Variants in SESTD1 observed in about 807,000 individuals in gnomAD.
SESTD1 encodes the protein SEC14 and spectrin domain containing 1.
A neutral mutation model predicts 101.7 loss-of-function variants in SESTD1; 43 were observed. That is an observed-to-expected ratio of 0.42 (90% CI 0.33 to 0.55). SESTD1 has a LOEUF of 0.55. Ranked by LOEUF, SESTD1 falls within the 20% of genes least tolerant of loss-of-function variation. SESTD1 has a pLI of 0.07. For missense variants in SESTD1, 647 were observed against 815.1 expected (o/e 0.79, Z 2.51); for synonymous variants, 283 against 286.8 (o/e 0.99, Z 0.13).
Position 179,106,795 on chromosome 2 carries a change from CAAT to C in SESTD1, c.*3101_*3103del, listed in dbSNP as rs1195696589. ...CACCAGAACTGAACAAAGTGACCAA[CAAT>C]GAGGACTGGGAACAAAGCCAATTTG... On this transcript the variant is annotated 3_prime_UTR_variant, in exon 18 of 18. Transcript: ENST00000428443. 2 of 152,064 alleles carry C rather than the reference CAAT, an allele frequency of 1.3e-5. No individual in the cohort carries two copies. The highest frequency in any genetic ancestry group is 4.8e-5 in the African/African-American group (2 of 41,416). The allele number at this position is 152,064 out of a possible 1,614,324, so 9.4% of individuals were successfully genotyped here.
chr2:179,142,189 T>C (rs958567891), intron 9 of SESTD1, among the ~76,000 whole-genome samples: 8 of 152,188 alleles, frequency 5.3e-5, no homozygotes, highest in Non-Finnish European at 1.2e-4. Flanking sequence ...TGTACTATAA[T>C]GGAAGAGTTA....
At chr2:179,223,811 ACTAT>A (rs1361206019) in intron 1 of SESTD1, among the ~76,000 whole-genome samples, 2 of 152,306 alleles carry the variant, frequency 1.3e-5, no homozygotes, top group South Asian at 2.1e-4. Flanking sequence ...GATTGTCCAA[ACTAT>A]CTATTACTCT....
At chr2:179,119,189 T>C (rs1019744746) in intron 13 of SESTD1, among the ~76,000 whole-genome samples, 4 of 152,202 alleles carry the variant, frequency 2.6e-5, no homozygotes, top group African/African-American at 7.2e-5. Context: ...ATTACACTTA[T>C]ATACAAAAAG....
chr2:179,221,296 T>C (rs1243456059), intron 1 of SESTD1, among the ~76,000 whole-genome samples: 2 of 150,300 alleles, frequency 1.3e-5, no homozygotes, highest in South Asian at 2.1e-4. Flanking sequence ...GTTGCTTTCA[T>C]CAGAGTGAAA....
At chr2:179,181,166 C>T (rs2046101083) in intron 3 of SESTD1, among the ~76,000 whole-genome samples, 2 of 152,202 alleles carry the variant, frequency 1.3e-5, no homozygotes, top group Middle Eastern at 6.8e-3. Context: ...ATAGTATAGG[C>T]TATTTTGCCT....
chr2:179,124,677 T>C lies in SESTD1; in HGVS notation c.973-119A>G, dbSNP rs997305726. The C allele has an allele frequency of 2.2e-5, 18 of 804,004 alleles. No individual in the cohort carries two copies. In the African/African-American group the frequency reaches 3.0e-4, roughly 13 times the overall value. 49.8% of individuals were successfully genotyped at this position (804,004 alleles called of 1,614,324 possible). ...ATGATTTTTTTTTTCTAAGGCAAAA[T>C]TATTAAAATTGAGGGTGGAAAGTTC... On this transcript the variant is annotated intron_variant, in intron 10 of 17. Transcript: ENST00000428443.
At chr2:179,250,670 C>T (rs148214743) in intron 1 of SESTD1, among the ~76,000 whole-genome samples, 63 of 148,822 alleles carry the variant, frequency 4.2e-4, no homozygotes, top group African/African-American at 1.1e-3. Context: ...TTAGGGGCCA[C>T]TCTAAAGACC....
At position 179,104,598 on chromosome 2, in the gene SESTD1, A is replaced by G. The variant is rs151064886; in HGVS notation, c.*5301T>C. 32 of 152,208 alleles carry G rather than the reference A, an allele frequency of 2.1e-4. No homozygotes were observed. The highest frequency in any genetic ancestry group is 7.0e-4 in the African/African-American group (29 of 41,538). 9.4% of individuals were successfully genotyped at this position (152,208 alleles called of 1,614,324 possible). ...TGGTATTCAGCTTGTGAAGACTTCT[A>G]AGGTGCCTCCTGGAGATTCACTGGG... On this transcript the variant is annotated 3_prime_UTR_variant, in exon 18 of 18. Transcript: ENST00000428443.
chr2:179,230,432 G>A (rs1357505181), intron 1 of SESTD1, among the ~76,000 whole-genome samples: 1 of 151,564 alleles, frequency 6.6e-6, no homozygotes, highest in Non-Finnish European at 1.5e-5. Flanking sequence ...CACTGCACCC[G>A]GCCTGAATTG....
intron 1 of SESTD1, among the ~76,000 whole-genome samples, chr2:179,238,870 C>T (rs919231998): frequency 6.6e-6 from 1 of 152,108 alleles, no homozygotes; most frequent in Non-Finnish European, 1.5e-5. Flanking sequence ...TTTTCTTCCT[C>T]TGCCTTGCCC....
intron 3 of SESTD1, among the ~76,000 whole-genome samples, chr2:179,180,614 A>G (rs2046092025): frequency 6.6e-6 from 1 of 152,200 alleles, no homozygotes; most frequent in Non-Finnish European, 1.5e-5. Context: ...AAAGTACATT[A>G]TTAGTTTTAG....
In SESTD1 at chr2:179,102,488, A is replaced by G. The variant is rs1041690868; in HGVS notation, c.*7411T>C. 1 of 151,096 alleles carries G rather than the reference A, an allele frequency of 6.6e-6. No individual in the cohort carries two copies. Among genetic ancestry groups the G allele is most frequent in the Non-Finnish European group, 1.5e-5 (1 of 68,022 alleles). The allele number at this position is 151,096 out of a possible 1,614,324, so 9.4% of individuals were successfully genotyped here. A position where few individuals can be genotyped will look rare whatever the true frequency, so the allele number is the denominator to read the frequency against. ...TTATTGTCCAAAGTGACAATATATC[A>G]AAGAAATACATACCAAAACCTGCTG... On this transcript the variant is annotated 3_prime_UTR_variant, in exon 18 of 18. Coordinates refer to ENST00000428443, the MANE Select transcript of SESTD1 (RefSeq NM_178123.5).
At chr2:179,236,615 T>C (rs2047070077) in intron 1 of SESTD1, among the ~76,000 whole-genome samples, 1 of 151,870 alleles carries the variant, frequency 6.6e-6, no homozygotes, top group Admixed American at 6.6e-5. Flanking sequence ...TCTAAGAAAA[T>C]GAAAAAATAA....
At chr2:179,114,986 T>C in intron 16 of SESTD1, 79 bp downstream of exon 16, 1 of 1,210,688 alleles carries the variant, frequency 8.3e-7, no homozygotes, top group Non-Finnish European at 1.2e-6. Flanking sequence ...AGTCATATAG[T>C]TACATTACTA....
rs759607720 is a variant in SESTD1, at chr2:179,106,564, G to A, written c.*3335C>T. The A allele has an allele frequency of 2.6e-5, 4 of 152,108 alleles. No individual in the cohort carries two copies. The highest frequency in any genetic ancestry group is 6.6e-5 in the Admixed American group (1 of 15,248). The allele number at this position is 152,108 out of a possible 1,614,324, so 9.4% of individuals were successfully genotyped here. A position where few individuals can be genotyped will look rare whatever the true frequency, so the allele number is the denominator to read the frequency against. ...TTGTCATGCTCACGCTAAGGAGTACGACACTAATAATACCACTCCGTATGT... is the reference window on the plus strand; with the variant it reads ...TTGTCATGCTCACGCTAAGGAGTACAACACTAATAATACCACTCCGTATGT... On this transcript the variant is annotated 3_prime_UTR_variant, in exon 18 of 18. Transcript: ENST00000428443.
chr2:179,172,297 A>C (rs2045941280), intron 4 of SESTD1, 64 bp from the exon 5 acceptor site: 1 of 1,099,802 alleles, frequency 9.1e-7, no homozygotes, highest in Admixed American at 2.0e-5. Context: ...CTAAATTTAT[A>C]AATTACCAGA....
chr2:179,254,212 A>C (rs915556615), intron 1 of SESTD1, among the ~76,000 whole-genome samples: 1 of 152,216 alleles, frequency 6.6e-6, no homozygotes, highest in Non-Finnish European at 1.5e-5. Context: ...GAACTAAGAC[A>C]AAGACTATGG....
intron 1 of SESTD1, among the ~76,000 whole-genome samples, chr2:179,250,960 C>CA (rs951854509): frequency 3.3e-5 from 5 of 152,104 alleles, no homozygotes; most frequent in African/African-American, 1.2e-4. Context: ...CATGTTCACA[C>CA]AAAAACCTAT....
chr2:179,238,136 C>T (rs1256372160), intron 1 of SESTD1, among the ~76,000 whole-genome samples: 1 of 152,100 alleles, frequency 6.6e-6, no homozygotes, highest in Non-Finnish European at 1.5e-5. Context: ...CATATATTTA[C>T]TATTCATTAA....
Sources: allele counts gnomAD v4.1 joint callset (sites outside exome capture counted in the v4.1 genomes callset), GRCh38; gene constraint gnomAD v4.1.1; transcripts MANE v1.5; gene names NCBI Gene and HGNC (gene_info 2026-07-23, HGNC 2026-07-21).